The following TMEM238L variants were observed in gnomAD, a reference collection of about 807,000 sequenced individuals.
The protein encoded by TMEM238L is transmembrane protein 238-like.
chr17:10,799,429 C>A (rs908006672), intron 1 of TMEM238L, among the ~76,000 whole-genome samples: 16 of 152,174 alleles, frequency 1.1e-4, no homozygotes, highest in Admixed American at 2.6e-4. Context: ...AACTTCTGGC[C>A]TCAAGTGATC....
chr17:10,798,121 G>A (rs754561341), intron 1 of TMEM238L, among the ~76,000 whole-genome samples: 1 of 151,700 alleles, frequency 6.6e-6, no homozygotes, highest in African/African-American at 2.4e-5. Flanking sequence ...CACCACCCAC[G>A]GCTGCTGTCC....
At chr17:10,800,846 AG>A (rs775608815) in intron 1 of TMEM238L, among the ~76,000 whole-genome samples, 5 of 152,130 alleles carry the variant, frequency 3.3e-5, no homozygotes, top group Admixed American at 6.5e-5. Context: ...CTGTTCAATG[AG>A]GGAAGGCTGT....
Position 10,803,603 on chromosome 17 carries a change from C to T in TMEM238L, c.*118+3G>A, listed in dbSNP as rs2151524946. The stretch of plus-strand genomic sequence containing the variant: ...CTGCCAGGTAGGTCTTGTGTGCACT[C>T]ACCTGGTCCCGGCGTGGCTTGCTAG... On this transcript the variant is annotated splice_donor_region_variant and intron_variant, in intron 1 of 1. Coordinates refer to ENST00000581851, the Ensembl canonical transcript of TMEM238L. 5.0e-6 allele frequency: 2 copies of T among 397,202 alleles called. No individual in the cohort carries two copies. Among genetic ancestry groups the T allele is most frequent in the Non-Finnish European group, 8.9e-6 (2 of 225,538 alleles). The allele number at this position is 397,202 out of a possible 1,614,324, so 24.6% of individuals were successfully genotyped here.
At position 10,801,805 on chromosome 17, in the gene TMEM238L, C is replaced by T. The variant is rs1252018454; in HGVS notation, c.*118+1801G>A. Among the ~76,000 whole-genome samples, 3 of 151,154 alleles carry T rather than the reference C, an allele frequency of 2.0e-5. No homozygotes were observed. The East Asian group carries it at 5.8e-4, about 29-fold the overall frequency. On this transcript the variant is annotated intron_variant, in intron 1 of 1. Coordinates refer to ENST00000581851, the Ensembl canonical transcript of TMEM238L. ...TGTCTTTTTTTTTTTTTAATTGAGACAGGTCTCACTCTGCCGCCCAGGTTG... is the reference window on the plus strand; with the variant it reads ...TGTCTTTTTTTTTTTTTAATTGAGATAGGTCTCACTCTGCCGCCCAGGTTG...
exon 1 of TMEM238L, chr17:10,803,883 C>T (rs1026679163): frequency 2.0e-5 from 8 of 399,576 alleles, no homozygotes; most frequent in Admixed American, 1.8e-4. Flanking sequence ...CCAGGCCGAC[C>T]GCGTCCAGCA....
At position 10,796,281 on chromosome 17, in the gene TMEM238L, G is replaced by A. The variant is rs118123802; in HGVS notation, c.*119-333C>T. On this transcript the variant is annotated intron_variant, in intron 1 of 1. Transcript: ENST00000581851. ...CTTACCCTTCCTTGCAGGCAAAGCC[G>A]ATGCCTACCTCTCTCTGCTCTCTGG... Among the ~76,000 whole-genome samples, 361 of 152,286 alleles carry A rather than the reference G, an allele frequency of 2.4e-3. 1 individual carries two copies. Among genetic ancestry groups the A allele is most frequent in the Non-Finnish European group, 4.5e-3 (303 of 68,032 alleles).
At chr17:10,798,250 G>A (rs1232235498) in intron 1 of TMEM238L, among the ~76,000 whole-genome samples, 1 of 151,980 alleles carries the variant, frequency 6.6e-6, no homozygotes, top group African/African-American at 2.4e-5. Context: ...TCAGAGCCCT[G>A]GCAAGACTGT....
intron 1 of TMEM238L, among the ~76,000 whole-genome samples, chr17:10,800,486 C>CA (rs1411161877): frequency 1.3e-5 from 2 of 152,220 alleles, no homozygotes; most frequent in Non-Finnish European, 2.9e-5. Flanking sequence ...GAGCAGCATT[C>CA]AGTCTCATAT....
exon 1 of TMEM238L, chr17:10,804,076 C>T (rs1029551246): frequency 4.5e-5 from 18 of 399,998 alleles, no homozygotes; most frequent in African/African-American, 2.5e-4. Flanking sequence ...AGCAAATGAG[C>T]GAGCTGGCGC....
intron 1 of TMEM238L, among the ~76,000 whole-genome samples, chr17:10,796,636 T>G (rs1904554782): frequency 6.6e-6 from 1 of 152,280 alleles, no homozygotes; most frequent in Non-Finnish European, 1.5e-5. Flanking sequence ...CTGCCTTTCC[T>G]TAGGCTTCAG....
chr17:10,801,208 G>T (rs1164499773), intron 1 of TMEM238L, among the ~76,000 whole-genome samples: 3 of 152,102 alleles, frequency 2.0e-5, no homozygotes, highest in African/African-American at 7.2e-5. Flanking sequence ...CTGCCACTGC[G>T]CCCGGCTAAT....
chr17:10,796,865 C>A (rs942339408), intron 1 of TMEM238L, among the ~76,000 whole-genome samples: 3 of 152,172 alleles, frequency 2.0e-5, no homozygotes, highest in Admixed American at 2.0e-4. Flanking sequence ...CGTGACTAGG[C>A]CAGGGGCTGG....
intron 1 of TMEM238L, among the ~76,000 whole-genome samples, chr17:10,798,993 G>A (rs1334673131): frequency 6.6e-6 from 1 of 152,092 alleles, no homozygotes; most frequent in Non-Finnish European, 1.5e-5. Flanking sequence ...GAGCACAGTT[G>A]ATCTATAAAA....
At chr17:10,799,590 G>A (rs1455474381) in intron 1 of TMEM238L, among the ~76,000 whole-genome samples, 4 of 152,308 alleles carry the variant, frequency 2.6e-5, no homozygotes, top group South Asian at 2.1e-4. Context: ...CTTTTACCCC[G>A]CTCTGAGAAT....
At chr17:10,797,998 C>G (rs979557085) in intron 1 of TMEM238L, 6 of 152,206 alleles carry the variant, frequency 3.9e-5, no homozygotes, top group Non-Finnish European at 8.8e-5. Flanking sequence ...AAGTCCTGCA[C>G]AGCCGGCACT....
exon 2 of TMEM238L, chr17:10,795,521 G>A (rs2094882634): frequency 6.6e-6 from 1 of 152,260 alleles, no homozygotes; most frequent in Non-Finnish European, 1.5e-5. Flanking sequence ...CAAAGAGCCA[G>A]TGAGGAGAAA....
At chr17:10,802,414 C>G (rs796644021) in intron 1 of TMEM238L, 7 of 152,316 alleles carry the variant, frequency 4.6e-5, no homozygotes, top group African/African-American at 1.7e-4. Flanking sequence ...AATCCTGAGG[C>G]TCAGAGTGTG....
chr17:10,800,110 T>C (rs893098352), intron 1 of TMEM238L, among the ~76,000 whole-genome samples: 6 of 152,090 alleles, frequency 3.9e-5, no homozygotes, highest in African/African-American at 1.4e-4. Context: ...TTTTGTGTAT[T>C]TTTAGTAGAG....
intron 1 of TMEM238L, among the ~76,000 whole-genome samples, chr17:10,803,158 G>A (rs1904797185): frequency 6.6e-6 from 1 of 152,086 alleles, no homozygotes; most frequent in Non-Finnish European, 1.5e-5. Flanking sequence ...TTTTACCGTG[G>A]CCCAGTTCAC....
Sources: gnomAD v4.1 joint callset for allele counts (sites outside exome capture counted in the v4.1 genomes callset) on GRCh38, gnomAD v4.1.1 for gene constraint, MANE v1.5 for transcripts, NCBI Gene and HGNC (gene_info 2026-07-23, HGNC 2026-07-21) for gene names.